Variants in MAEA observed in about 807,000 individuals in gnomAD.
MAEA encodes E3 ubiquitin-protein transferase MAEA.
A neutral mutation model predicts 46.2 loss-of-function variants in MAEA; 22 were observed. The ratio of observed to expected loss-of-function variants is 0.48; its 90% CI spans 0.34 to 0.68. The LOEUF is 0.68. Among genes scored for constraint, MAEA ranks in the 30% least tolerant of loss-of-function variants. The probability of loss-of-function intolerance (pLI) is 0.01; values close to 1 mark genes in which losing one functional copy is unlikely to be tolerated. For synonymous variants in MAEA, 246 were observed against 222.6 expected (o/e 1.11, Z -0.94); for missense variants, 393 against 558.1 (o/e 0.70, Z 2.98).
chr4:1,293,706 C>T (rs963890508), intron 1 of MAEA, among the ~76,000 whole-genome samples: 1 of 152,200 alleles, frequency 6.6e-6, no homozygotes, highest in Non-Finnish European at 1.5e-5. Flanking sequence ...TGATGCTGTC[C>T]TCTCCCCAGA....
intron 1 of MAEA, chr4:1,309,523 G>GT: frequency 7.2e-7 from 1 of 1,379,598 alleles, no homozygotes; most frequent in Non-Finnish European, 9.4e-7. Context: ...GGGAGAGGGG[G>GT]TGCTGCGCTC....
intron 1 of MAEA, among the ~76,000 whole-genome samples, chr4:1,292,549 G>A (rs954319037): frequency 1.3e-5 from 2 of 152,158 alleles, no homozygotes; most frequent in African/African-American, 4.8e-5. Context: ...TTGGGCTGGA[G>A]GAGCCTTTGT....
chr4:1,290,500 C>T (rs572729676), intron 1 of MAEA, among the ~76,000 whole-genome samples: 2 of 152,324 alleles, frequency 1.3e-5, no homozygotes, highest in African/African-American at 4.8e-5. Flanking sequence ...TCTTGCCGTC[C>T]GGCTGCCGGT....
rs538867092 is a variant in MAEA at position 1,317,728 on chromosome 4, G to A, written c.456+2128G>A. Among the ~76,000 whole-genome samples, 93 of 152,330 alleles carry A rather than the reference G, an allele frequency of 6.1e-4. 2 individuals carry two copies. In the South Asian group the frequency reaches 0.015, roughly 25 times the overall value. On this transcript the variant is annotated intron_variant, in intron 3 of 8. Transcript: ENST00000303400. ...CTCGGTTCACAAGCGTGAATGTGAT[G>A]TGTCACAGCTGTGCCATGAGTTGAT...
At chr4:1,337,430 C>G (rs977635840) in intron 7 of MAEA, 1 of 230,442 alleles carries the variant, frequency 4.3e-6, no homozygotes, top group Admixed American at 5.5e-5. Context: ...GTGACTGACT[C>G]CATCCTGCCT....
At chr4:1,302,058 A>G (rs1735369578) in intron 1 of MAEA, among the ~76,000 whole-genome samples, 1 of 152,248 alleles carries the variant, frequency 6.6e-6, no homozygotes, top group Non-Finnish European at 1.5e-5. Flanking sequence ...AAAACCATAG[A>G]CCATTGTTCC....
intron 3 of MAEA, among the ~76,000 whole-genome samples, chr4:1,319,566 G>A (rs1737746581): frequency 1.4e-5 from 2 of 145,700 alleles, no homozygotes; most frequent in Non-Finnish European, 3.0e-5. Flanking sequence ...CGGGACATGA[G>A]GCAGGATATA....
intron 3 of MAEA, among the ~76,000 whole-genome samples, chr4:1,322,127 G>A (rs1289651824): frequency 6.6e-6 from 1 of 152,168 alleles, no homozygotes; most frequent in Non-Finnish European, 1.5e-5. Context: ...GGTGGGGCCA[G>A]CCTGGCTCCC....
At chr4:1,309,436 C>T (rs1170331149) in intron 1 of MAEA, 25 of 1,276,270 alleles carry the variant, frequency 2.0e-5, no homozygotes, top group African/African-American at 1.5e-4. Flanking sequence ...CGGTGCTTTC[C>T]GGGGCTGGCC....
intron 1 of MAEA, among the ~76,000 whole-genome samples, chr4:1,296,517 G>A (rs1014874852): frequency 4.7e-4 from 67 of 141,854 alleles, no homozygotes; most frequent in South Asian, 2.7e-3. Flanking sequence ...CACCTGTGCT[G>A]TGCCCTTTGC....
chr4:1,338,225 T>C, intron 7 of MAEA, 197 bp from the exon 8 acceptor site: 1 of 527,496 alleles, frequency 1.9e-6, no homozygotes, highest in South Asian at 2.8e-5. Context: ...AGGCTTCTTG[T>C]CTCCACCGAG....
chr4:1,329,042 A>C lies in MAEA; in HGVS notation c.656+1339A>C, dbSNP rs995121095. The C allele has an allele frequency of 4.1e-6, 4 of 985,790 alleles. No homozygotes were observed. In the African/African-American group the frequency reaches 7.0e-5, roughly 17 times the overall value. The allele number at this position is 985,790 out of a possible 1,614,324, so 61.1% of individuals were successfully genotyped here. On this transcript the variant is annotated intron_variant, in intron 5 of 8. Transcript: ENST00000303400. ...GTGTCGCTGGCCTCTGTCCGGCGGCAGTCTGCTTCCATCCCGAGTCAGCCT... is the reference window on the plus strand; with the variant it reads ...GTGTCGCTGGCCTCTGTCCGGCGGCCGTCTGCTTCCATCCCGAGTCAGCCT...
At chr4:1,290,130 C>A in intron 1 of MAEA, 148 bp downstream of exon 1, 1 of 314,928 alleles carries the variant, frequency 3.2e-6, no homozygotes, top group Non-Finnish European at 5.1e-6. Context: ...TTCTCAGGGG[C>A]GCCCGGTCCG....
rs1184228425 is a variant in MAEA, at chr4:1,329,515, A to G, written c.656+1812A>G. 6 of 984,914 alleles carry G rather than the reference A, an allele frequency of 6.1e-6. No individual in the cohort carries two copies. In the East Asian group the frequency reaches 3.4e-4, roughly 56 times the overall value. The allele number at this position is 984,914 out of a possible 1,614,324, so 61.0% of individuals were successfully genotyped here. A position where few individuals can be genotyped will look rare whatever the true frequency, so the allele number is the denominator to read the frequency against. On this transcript the variant is annotated intron_variant, in intron 5 of 8. Coordinates refer to ENST00000303400, the MANE Select transcript of MAEA (RefSeq NM_001017405.3). ...CAGACACGTGCTGCCTCGAAGCCTC[A>G]GCAGCCAGCCGGGCAGGCATGGCAA...
intron 2 of MAEA, among the ~76,000 whole-genome samples, chr4:1,314,775 G>C (rs1736924216): frequency 6.6e-6 from 1 of 152,202 alleles, no homozygotes; most frequent in Non-Finnish European, 1.5e-5. Context: ...CAGACAGCCG[G>C]ACAGCTGATT....
chr4:1,313,068 G>A (rs1736711756), intron 2 of MAEA, among the ~76,000 whole-genome samples: 1 of 152,194 alleles, frequency 6.6e-6, no homozygotes, highest in Non-Finnish European at 1.5e-5. Context: ...CGGTACTACA[G>A]CTCAGCGTGG....
At chr4:1,324,511 T>G (rs1738553466) in intron 4 of MAEA, among the ~76,000 whole-genome samples, 1 of 146,756 alleles carries the variant, frequency 6.8e-6, no homozygotes, top group African/African-American at 2.6e-5. Flanking sequence ...ATTGGATGCT[T>G]GGTGGATGAG....
At chr4:1,332,635 T>G (rs1305651332) in intron 5 of MAEA, 122 bp from the exon 6 acceptor site, 1 of 669,166 alleles carries the variant, frequency 1.5e-6, no homozygotes, top group East Asian at 2.9e-5. Context: ...GCCTGAGAGT[T>G]CGAGGCTACA....
intron 3 of MAEA, among the ~76,000 whole-genome samples, chr4:1,320,959 G>A (rs546690992): frequency 6.6e-6 from 1 of 152,340 alleles, no homozygotes; most frequent in South Asian, 2.1e-4. Flanking sequence ...ATTTAGCCGG[G>A]CGTGGTGGCA....
Sources: allele counts gnomAD v4.1 joint callset (sites outside exome capture counted in the v4.1 genomes callset), GRCh38; gene constraint gnomAD v4.1.1; transcripts MANE v1.5; gene names NCBI Gene and HGNC (gene_info 2026-07-23, HGNC 2026-07-21).